Variants in FHIP2A observed in about 807,000 individuals in gnomAD.
FHIP2A encodes the protein family with sequence similarity 160 member B1.
FHIP2A carries 46 observed loss-of-function variants against 93.5 expected under a neutral mutation model. The ratio of observed to expected loss-of-function variants is 0.49; its 90% CI spans 0.39 to 0.63. The LOEUF is 0.63. FHIP2A is among the 20% of genes least tolerant of loss of function. The pLI is 0.00. For missense variants in FHIP2A, 769 were observed against 909.7 expected, an observed-to-expected ratio of 0.85 and a Z score of 1.99; for synonymous variants, 332 against 326.5, an observed-to-expected ratio of 1.02 and a Z score of -0.18.
chr10:114,874,489 C>T (rs1004738092), intron 16 of FHIP2A, among the ~76,000 whole-genome samples: 28 of 152,032 alleles, frequency 1.8e-4, no homozygotes, highest in Admixed American at 1.8e-3. Context: ...ATTGTATAAC[C>T]TATTTTAGTA....
At chr10:114,855,539 C>G (rs2083761921) in intron 14 of FHIP2A, among the ~76,000 whole-genome samples, 199 bp downstream of exon 14, 1 of 152,116 alleles carries the variant, frequency 6.6e-6, no homozygotes, top group African/African-American at 2.4e-5. Flanking sequence ...TTTATTTGGC[C>G]TGACAGCTGC....
At position 114,864,507 on chromosome 10, in the gene FHIP2A, A is replaced by G. The variant is rs2083818884; in HGVS notation, c.*2967A>G. 1.0e-6 allele frequency: 1 copy of G among 985,632 alleles called. No individual in the cohort carries two copies. 61.1% of individuals were successfully genotyped at this position (985,632 alleles called of 1,614,324 possible). A position where few individuals can be genotyped will look rare whatever the true frequency, so the allele number is the denominator to read the frequency against. On this transcript the variant is annotated 3_prime_UTR_variant, in exon 17 of 17. Transcript: ENST00000369248. ...TTTACATTAAACAGGATATTTGGTA[A>G]ATTTTTTTGTATTGAAAGTTGTGTA... is the stretch of plus-strand genomic sequence containing the variant.
intron 16 of FHIP2A, among the ~76,000 whole-genome samples, chr10:114,894,216 G>A (rs2083989258): frequency 6.6e-6 from 1 of 151,996 alleles, no homozygotes; most frequent in African/African-American, 2.4e-5. Flanking sequence ...TATTTATTGT[G>A]TGCTTGTGTA....
At chr10:114,886,754 A>G (rs1198759218) in intron 16 of FHIP2A, among the ~76,000 whole-genome samples, 1 of 151,948 alleles carries the variant, frequency 6.6e-6, no homozygotes, top group Non-Finnish European at 1.5e-5. Context: ...CATGTTGACC[A>G]GGCTGGTCTT....
intron 16 of FHIP2A, among the ~76,000 whole-genome samples, chr10:114,871,531 A>C (rs1367869007): frequency 2.0e-5 from 3 of 152,122 alleles, no homozygotes; most frequent in Admixed American, 1.3e-4. Flanking sequence ...GGATGATCTC[A>C]GTGAATAATC....
intron 16 of FHIP2A, among the ~76,000 whole-genome samples, chr10:114,898,353 T>A (rs1281351639): frequency 6.6e-6 from 1 of 152,190 alleles, no homozygotes; most frequent in Non-Finnish European, 1.5e-5. Flanking sequence ...GGCACGTATA[T>A]AGAATGGCCA....
rs1038074083 is a variant in FHIP2A at position 114,864,388 on chromosome 10, T to C, written c.*2848T>C. On this transcript the variant is annotated 3_prime_UTR_variant, in exon 17 of 17. Coordinates refer to ENST00000369248, the MANE Select transcript of FHIP2A (RefSeq NM_020940.4). ...AGTAAATCAAATATGCATGTCATTGTGACACTTTATGTGTTAAAACATGGT... is the reference window on the plus strand; with the variant it reads ...AGTAAATCAAATATGCATGTCATTGCGACACTTTATGTGTTAAAACATGGT... 11 of 985,686 alleles carry C rather than the reference T, an allele frequency of 1.1e-5. No homozygotes were observed. The African/African-American group carries it at 1.7e-4, about 16-fold the overall frequency. The allele number at this position is 985,686 out of a possible 1,614,324, so 61.1% of individuals were successfully genotyped here. A position where few individuals can be genotyped will look rare whatever the true frequency, so the allele number is the denominator to read the frequency against.
At chr10:114,869,784 C>T (rs1322700349) in intron 16 of FHIP2A, among the ~76,000 whole-genome samples, 2 of 152,050 alleles carry the variant, frequency 1.3e-5, no homozygotes, top group African/African-American at 4.8e-5. Context: ...ACGTGCATAG[C>T]AATTTCTGGG....
intron 1 of FHIP2A, among the ~76,000 whole-genome samples, chr10:114,825,466 T>G (rs779834681): frequency 2.6e-4 from 39 of 152,344 alleles, no homozygotes; most frequent in Admixed American, 6.5e-4. Context: ...TAAGATATTT[T>G]CCAAAATTAA....
intron 1 of FHIP2A, among the ~76,000 whole-genome samples, chr10:114,823,855 G>A (rs11196931): frequency 0.09 from 13,702 of 152,006 alleles, 816 homozygotes; most frequent in East Asian, 0.21. Flanking sequence ...GAGATACTTG[G>A]TAATCAAAAT....
At chr10:114,853,610 G>A (rs2083749097) in intron 13 of FHIP2A, among the ~76,000 whole-genome samples, 1 of 152,152 alleles carries the variant, frequency 6.6e-6, no homozygotes, top group South Asian at 2.1e-4. Flanking sequence ...TACAAATGCA[G>A]TTACAATTGT....
At chr10:114,867,935 T>G (rs2143013941), downstream of FHIP2A, among the ~76,000 whole-genome samples, 1 of 136,596 alleles carries the variant, frequency 7.3e-6, no homozygotes, top group South Asian at 2.4e-4. Flanking sequence ...TTCAGTGTGC[T>G]TTATAATTTT....
In FHIP2A at chr10:114,842,996, G is replaced by T; in HGVS notation, c.586G>T (p.Gly196Cys). ...PNVISEDTLKGQDSLSTDTGQ... is the reference protein window; with the variant it reads ...PNVISEDTLKCQDSLSTDTGQ... ...TGTAATTTCAGAAGATACATTAAAA[G>T]GTCAGGATTCCTTGTCAACAGATAC... The change falls in exon 6 of 17, where the codon GGT becomes TGT. Residue 196 changes from glycine (G) to cysteine (C), a missense_variant. By Grantham distance (159) the Gly-to-Cys change is radical (BLOSUM62 -3). Transcript: ENST00000369248. 1 of 1,613,214 alleles carries T rather than the reference G, an allele frequency of 6.2e-7. No homozygotes were observed.
At chr10:114,843,258 A>C in intron 6 of FHIP2A, 32 bp downstream of exon 6, 1 of 1,386,170 alleles carries the variant, frequency 7.2e-7, no homozygotes, top group Non-Finnish European at 9.7e-7. Flanking sequence ...TTCCCCCCTA[A>C]CATTATTTCA....
chr10:114,878,702 C>T (rs1246389314), intron 16 of FHIP2A, among the ~76,000 whole-genome samples: 1 of 151,308 alleles, frequency 6.6e-6, no homozygotes, highest in Non-Finnish European at 1.5e-5. Context: ...AGTGCTTGAA[C>T]CTGGGAGGCA....
At chr10:114,831,947 T>C in intron 2 of FHIP2A, among the ~76,000 whole-genome samples, 1 of 152,200 alleles carries the variant, frequency 6.6e-6, no homozygotes, top group East Asian at 1.9e-4. Context: ...GTTTTCTCCA[T>C]AAGGCTTAGT....
chr10:114,859,516 C>T (rs1395526676), intron 14 of FHIP2A, among the ~76,000 whole-genome samples: 4 of 152,228 alleles, frequency 2.6e-5, no homozygotes, highest in Non-Finnish European at 5.9e-5. Flanking sequence ...GTCTGTCTCA[C>T]TCTTGCCACC....
chr10:114,843,811 C>G lies in FHIP2A; in HGVS notation c.887C>G (p.Ala296Gly), dbSNP rs778141631. The G allele has an allele frequency of 3.1e-6, 5 of 1,602,668 alleles. No homozygotes were observed. Among genetic ancestry groups the G allele is most frequent in the Non-Finnish European group, 4.2e-6 (5 of 1,177,176 alleles). ...LLVSLPEPAA[A>G]KCLTQSTCLC... Reference sequence around the variant, plus strand: ...GTAAGTTTGCCAGAGCCTGCGGCTGCAAAGTGCCTTACACAGAGCACTTGC... The same window carrying G: ...GTAAGTTTGCCAGAGCCTGCGGCTGGAAAGTGCCTTACACAGAGCACTTGC... The change falls in exon 7 of 17, where the codon GCA (alanine) becomes GGA (glycine). Residue 296 changes from alanine (A) to glycine (G), a missense_variant. Ala to Gly is a moderately conservative substitution (Grantham distance 60). Coordinates refer to ENST00000369248, the MANE Select transcript of FHIP2A (RefSeq NM_020940.4).
At chr10:114,848,591 C>CTTTTT in intron 12 of FHIP2A, 56 bp from the exon 13 acceptor site, 1 of 853,944 alleles carries the variant, frequency 1.2e-6, no homozygotes, top group Non-Finnish European at 1.8e-6. Flanking sequence ...CTACTTTTTC[C>CTTTTT]TTTTTTTTTT....
Sources: gnomAD v4.1 joint callset for allele counts (sites outside exome capture counted in the v4.1 genomes callset) on GRCh38, gnomAD v4.1.1 for gene constraint, MANE v1.5 for transcripts, NCBI Gene and HGNC (gene_info 2026-07-23, HGNC 2026-07-21) for gene names.